MAGI2: variants seen among roughly 807,000 people sequenced by gnomAD.
The protein encoded by MAGI2 is membrane-associated guanylate kinase, WW and PDZ domain-containing protein 2.
MAGI2 carries 35 observed loss-of-function variants against 133.3 expected under a neutral mutation model. The ratio of observed to expected loss-of-function variants is 0.26; its 90% confidence interval spans 0.20 to 0.35. MAGI2 has a LOEUF of 0.35. Among genes scored for constraint, MAGI2 ranks in the 10% least tolerant of loss-of-function variants. The pLI is 1.00. For missense variants in MAGI2, 1,636 were observed against 1,863.4 expected, an observed-to-expected ratio of 0.88 and a Z score of 2.25; for synonymous variants, 729 against 710.6, an observed-to-expected ratio of 1.03 and a Z score of -0.41.
chr7:79,434,386 T>G (rs1163074819), intron 1 of MAGI2, among the ~76,000 whole-genome samples: 3 of 152,156 alleles, frequency 2.0e-5, no homozygotes, highest in Non-Finnish European at 4.4e-5. Context: ...AAACAGATAC[T>G]TTTTCACAAC....
intron 2 of MAGI2, among the ~76,000 whole-genome samples, chr7:78,896,902 A>T (rs942871247): frequency 1.3e-5 from 2 of 152,218 alleles, no homozygotes; most frequent in Admixed American, 6.5e-5. Flanking sequence ...AACTATGATA[A>T]CAAATAGAAA....
Position 79,367,858 on chromosome 7 carries a change from C to CATATATATATAT in MAGI2, c.301+85150_301+85161dup, listed in dbSNP as rs367920302. Among the ~76,000 whole-genome samples the CATATATATATAT allele has an allele frequency of 2.0e-3, 177 of 87,112 alleles. 14 individuals are homozygous for CATATATATATAT. The highest frequency in any genetic ancestry group is 3.8e-3 in the South Asian group (9 of 2,368). 57.1% of individuals were successfully genotyped at this position (87,112 alleles called of 152,430 possible). ...CATATATATATGCTTATATATGTGA[C>CATATATATATAT]ATATATATATATATATATGTCATTG... On this transcript the variant is annotated intron_variant, in intron 1 of 21. Coordinates refer to ENST00000354212, the MANE Select transcript of MAGI2 (RefSeq NM_012301.4).
intron 2 of MAGI2, among the ~76,000 whole-genome samples, chr7:78,787,473 C>G (rs188212367): frequency 2.1e-3 from 314 of 152,254 alleles, no homozygotes; most frequent in Middle Eastern, 3.4e-3. Context: ...AGCAAGAGCA[C>G]AGGGTTAGAA....
chr7:78,909,781 C>T (rs1351828433), intron 2 of MAGI2, among the ~76,000 whole-genome samples: 4 of 152,136 alleles, frequency 2.6e-5, no homozygotes, highest in Non-Finnish European at 1.5e-5. Context: ...AATCCCATTA[C>T]TGGATGTATA....
intron 20 of MAGI2, among the ~76,000 whole-genome samples, chr7:78,085,943 G>A (rs10266335): frequency 0.026 from 3,927 of 152,212 alleles, 110 homozygotes; most frequent in African/African-American, 0.077. Flanking sequence ...CATTCATAAC[G>A]GGGAGCTGGC....
chr7:78,599,999 T>G (rs774154215), intron 3 of MAGI2, among the ~76,000 whole-genome samples: 2 of 152,200 alleles, frequency 1.3e-5, no homozygotes, highest in African/African-American at 4.8e-5. Flanking sequence ...AGAATGCTTA[T>G]ACACCCAACA....
chr7:78,493,320 A>G (rs1793789855), intron 5 of MAGI2, among the ~76,000 whole-genome samples: 1 of 152,210 alleles, frequency 6.6e-6, no homozygotes, highest in African/African-American at 2.4e-5. Context: ...TTCTTCTCAC[A>G]TAGAACATGC....
chr7:79,014,587 T>C (rs765634513), intron 1 of MAGI2, among the ~76,000 whole-genome samples: 13 of 152,086 alleles, frequency 8.5e-5, no homozygotes, highest in Non-Finnish European at 1.6e-4. Flanking sequence ...GAAAAATATA[T>C]ATGGGTAAAA....
In MAGI2 at chr7:78,605,882, T is replaced by G. The variant is rs375097520; in HGVS notation, c.538+21238A>C. ...GACGGGAGGTACTCGAGCAGAAAAGTAGTGATTAGATTCGGACACTAGAGA... is the reference window on the plus strand; with the variant it reads ...GACGGGAGGTACTCGAGCAGAAAAGGAGTGATTAGATTCGGACACTAGAGA... On this transcript the variant is annotated intron_variant, in intron 3 of 21. Coordinates refer to ENST00000354212, the MANE Select transcript of MAGI2 (RefSeq NM_012301.4). Among the ~76,000 whole-genome samples the G allele has an allele frequency of 1.2e-4, 18 of 152,136 alleles. No individual in the cohort carries two copies. In the East Asian group the frequency reaches 3.1e-3, roughly 26 times the overall value.
chr7:79,264,644 T>C (rs1375035831), intron 1 of MAGI2, among the ~76,000 whole-genome samples: 1 of 152,160 alleles, frequency 6.6e-6, no homozygotes, highest in Non-Finnish European at 1.5e-5. Context: ...GTTACTATTT[T>C]AGTCTGTTTT....
At chr7:79,333,882 T>C (rs1209048620) in intron 1 of MAGI2, among the ~76,000 whole-genome samples, 1 of 152,230 alleles carries the variant, frequency 6.6e-6, no homozygotes, top group Non-Finnish European at 1.5e-5. Context: ...CTTCTAGGAA[T>C]TTTATAAGTA....
In MAGI2 at chr7:79,230,117, T is replaced by A. The variant is rs1050934634; in HGVS notation, c.301+222903A>T. Among the ~76,000 whole-genome samples the A allele has an allele frequency of 7.9e-5, 12 of 151,798 alleles. No homozygotes were observed. In the East Asian group the frequency reaches 2.3e-3, roughly 30 times the overall value. On this transcript the variant is annotated intron_variant, in intron 1 of 21. Coordinates refer to ENST00000354212, the MANE Select transcript of MAGI2 (RefSeq NM_012301.4). ...TTCATCCATGTCCCTACAAAGGACA[T>A]GAACTCATCATTTTTATGGCTGCAT...
chr7:79,148,397 T>C (rs1822857625), intron 1 of MAGI2, among the ~76,000 whole-genome samples: 1 of 152,196 alleles, frequency 6.6e-6, no homozygotes, highest in Non-Finnish European at 1.5e-5. Context: ...GTCACTGGCC[T>C]TCACTGGGTG....
At chr7:78,113,599 T>G (rs1483814042) in intron 20 of MAGI2, among the ~76,000 whole-genome samples, 1 of 152,194 alleles carries the variant, frequency 6.6e-6, no homozygotes, top group Non-Finnish European at 1.5e-5. Flanking sequence ...TAACATGCTG[T>G]CCAGGTTTGT....
chr7:78,474,830 A>C (rs867286762), intron 6 of MAGI2, among the ~76,000 whole-genome samples: 3 of 151,788 alleles, frequency 2.0e-5, no homozygotes, highest in Middle Eastern at 6.8e-3. Context: ...ATTTAATTTT[A>C]AATATTAACT....
chr7:78,018,892 C>T lies in MAGI2; in HGVS notation c.*423G>A, dbSNP rs969183002. ...ATCTTGTCTCAGTTTCAGCTTGCTC[C>T]GTGCAGTTTGATTTTTAAGGCGATA... On this transcript the variant is annotated 3_prime_UTR_variant, in exon 22 of 22. Transcript: ENST00000354212. 3 of 370,616 alleles carry T rather than the reference C, an allele frequency of 8.1e-6. No homozygotes were observed. The highest frequency in any genetic ancestry group is 4.2e-5 in the African/African-American group (2 of 47,812). The allele number at this position is 370,616 out of a possible 1,614,324, so 23.0% of individuals were successfully genotyped here. A position where few individuals can be genotyped will look rare whatever the true frequency, so the allele number is the denominator to read the frequency against.
At chr7:78,469,114 A>G (rs1189815494) in intron 6 of MAGI2, among the ~76,000 whole-genome samples, 1 of 152,158 alleles carries the variant, frequency 6.6e-6, no homozygotes, top group Non-Finnish European at 1.5e-5. Context: ...ACAGTTTATG[A>G]TATATATCCA....
chr7:78,360,695 G>C (rs1026358191), intron 7 of MAGI2, among the ~76,000 whole-genome samples: 1 of 152,174 alleles, frequency 6.6e-6, no homozygotes, highest in Non-Finnish European at 1.5e-5. Flanking sequence ...TGAGCTACCT[G>C]GGACAGGGGT....
At position 78,174,699 on chromosome 7, in the gene MAGI2, GC is replaced by G. The variant is rs1329876299; in HGVS notation, c.2403+3311del. Among the ~76,000 whole-genome samples, 4 of 152,112 alleles carry G rather than the reference GC, an allele frequency of 2.6e-5. No individual in the cohort carries two copies. In the East Asian group the frequency reaches 7.7e-4, roughly 29 times the overall value. ...TGCTAAGGAGATGACCCAGGATGGG[GC>G]CAGCCTCACCAATAATCTTAGGGTA... is the stretch of plus-strand genomic sequence containing the variant. On this transcript the variant is annotated intron_variant, in intron 14 of 21. Transcript: ENST00000354212.
Sources: gnomAD v4.1 joint callset for allele counts (sites outside exome capture counted in the v4.1 genomes callset) on GRCh38, gnomAD v4.1.1 for gene constraint, MANE v1.5 for transcripts, NCBI Gene and HGNC (gene_info 2026-07-23, HGNC 2026-07-21) for gene names.